Variants in KCNH5 observed in about 807,000 individuals in gnomAD.
KCNH5 encodes potassium voltage-gated channel subfamily H member 5, also known as voltage-gated delayed rectifier potassium channel KCNH5.
A neutral mutation model predicts 96.1 loss-of-function variants in KCNH5; 46 were observed. The observed-to-expected ratio is 0.48, with a 90% CI of 0.38 to 0.61. KCNH5 has a LOEUF of 0.61. Ranked by LOEUF, KCNH5 falls within the 20% of genes least tolerant of loss-of-function variation. The probability of loss-of-function intolerance (pLI) is 0.00; values close to 1 mark genes in which losing one functional copy is unlikely to be tolerated. For missense variants in KCNH5, 907 were observed against 1,225.8 expected (o/e 0.74, Z 3.88); for synonymous variants, 439 against 449.8 (o/e 0.98, Z 0.30).
chr14:62,715,513 C>G (rs1417022221), intron 10 of KCNH5, among the ~76,000 whole-genome samples: 1 of 152,178 alleles, frequency 6.6e-6, no homozygotes, highest in Non-Finnish European at 1.5e-5. Context: ...TTATTCAATG[C>G]TACCATGTAT....
At chr14:62,996,387 T>C (rs946054300) in intron 4 of KCNH5, among the ~76,000 whole-genome samples, 9 of 152,304 alleles carry the variant, frequency 5.9e-5, no homozygotes, top group African/African-American at 2.2e-4. Flanking sequence ...AATAAGCTCA[T>C]CTACAGATTC....
chr14:62,820,707 A>T (rs377008067), intron 8 of KCNH5, among the ~76,000 whole-genome samples: 44 of 152,268 alleles, frequency 2.9e-4, no homozygotes, highest in African/African-American at 8.4e-4. Flanking sequence ...TTCATGGTGC[A>T]TATGTACCAC....
intron 6 of KCNH5, among the ~76,000 whole-genome samples, chr14:62,978,529 G>A (rs1003547994): frequency 1.5e-4 from 22 of 151,388 alleles, no homozygotes; most frequent in Admixed American, 5.3e-4. Flanking sequence ...GGAGCTTGCA[G>A]TGAGCCGAGA....
At chr14:63,011,401 C>T (rs1891225017) in intron 2 of KCNH5, among the ~76,000 whole-genome samples, 1 of 151,680 alleles carries the variant, frequency 6.6e-6, no homozygotes. Context: ...TCACTTGAAC[C>T]CAGGAGGCAG....
chr14:62,977,546 C>A (rs890328955), intron 6 of KCNH5, among the ~76,000 whole-genome samples: 1 of 151,904 alleles, frequency 6.6e-6, no homozygotes, highest in African/African-American at 2.4e-5. Flanking sequence ...AATTGACAAA[C>A]CAAGAGGTAG....
intron 4 of KCNH5, among the ~76,000 whole-genome samples, chr14:62,996,413 A>T (rs1890906457): frequency 6.6e-6 from 1 of 152,124 alleles, no homozygotes; most frequent in Admixed American, 6.6e-5. Context: ...CTGGAAAGAG[A>T]CCTTTTTCTC....
intron 7 of KCNH5, among the ~76,000 whole-genome samples, chr14:62,912,664 C>T (rs1889193090): frequency 6.6e-6 from 1 of 152,150 alleles, no homozygotes; most frequent in Admixed American, 6.5e-5. Flanking sequence ...CCTCGGCCTC[C>T]CAAAGTGCTG....
intron 10 of KCNH5, among the ~76,000 whole-genome samples, chr14:62,708,747 C>A (rs1168089531): frequency 6.6e-6 from 1 of 152,194 alleles, no homozygotes. Flanking sequence ...TAGAGAGGTA[C>A]TTTGCTTCTA....
chr14:62,806,306 T>A (rs966557503), intron 8 of KCNH5, among the ~76,000 whole-genome samples: 2 of 152,184 alleles, frequency 1.3e-5, no homozygotes, highest in African/African-American at 2.4e-5. Flanking sequence ...ATTCCTTTAC[T>A]TTCTTAATAA....
intron 10 of KCNH5, among the ~76,000 whole-genome samples, chr14:62,741,922 A>G (rs1453401507): frequency 6.6e-6 from 1 of 152,166 alleles, no homozygotes; most frequent in Non-Finnish European, 1.5e-5. Flanking sequence ...AATATAAGAA[A>G]AGATTACTGG....
At chr14:62,896,725 C>A (rs560066554) in intron 7 of KCNH5, among the ~76,000 whole-genome samples, 1 of 152,266 alleles carries the variant, frequency 6.6e-6, no homozygotes, top group East Asian at 1.9e-4. Context: ...CAAAGACCTT[C>A]GTGAGGTCAC....
At chr14:63,021,522 T>C (rs950988219) in intron 1 of KCNH5, among the ~76,000 whole-genome samples, 10 of 152,176 alleles carry the variant, frequency 6.6e-5, no homozygotes, top group Non-Finnish European at 1.5e-4. Context: ...ACATTTTCTA[T>C]GCCACATTCA....
chr14:62,788,532 A>C (rs1234224841), intron 9 of KCNH5, among the ~76,000 whole-genome samples: 1 of 152,182 alleles, frequency 6.6e-6, no homozygotes, highest in Non-Finnish European at 1.5e-5. Context: ...CCAATTTTGA[A>C]AGAAGTTCTA....
At chr14:62,738,484 G>A (rs1244734311) in intron 10 of KCNH5, among the ~76,000 whole-genome samples, 3 of 152,098 alleles carry the variant, frequency 2.0e-5, no homozygotes, top group Admixed American at 6.6e-5. Context: ...ATTACTGGCT[G>A]AAAGTGTATC....
intron 8 of KCNH5, among the ~76,000 whole-genome samples, chr14:62,820,989 T>C (rs1332283420): frequency 6.6e-6 from 1 of 152,052 alleles, no homozygotes; most frequent in Non-Finnish European, 1.5e-5. Context: ...TTGAACTAAT[T>C]TACACTCCCA....
At chr14:62,758,596 A>G (rs1400879496) in intron 10 of KCNH5, among the ~76,000 whole-genome samples, 1 of 152,222 alleles carries the variant, frequency 6.6e-6, no homozygotes, top group African/African-American at 2.4e-5. Context: ...AGAACTCTGT[A>G]ATATCATTAT....
intron 9 of KCNH5, among the ~76,000 whole-genome samples, chr14:62,787,241 G>C (rs889499155): frequency 7.2e-5 from 11 of 152,164 alleles, no homozygotes; most frequent in Non-Finnish European, 1.6e-4. Context: ...ACCTACTGCT[G>C]ATAAGGAGAA....
intron 10 of KCNH5, among the ~76,000 whole-genome samples, chr14:62,753,397 A>C (rs980496188): frequency 6.6e-6 from 1 of 152,174 alleles, no homozygotes; most frequent in African/African-American, 2.4e-5. Context: ...TCTTAAAGAG[A>C]AGGTAGAGAG....
chr14:62,833,953 C>T (rs952845621), intron 8 of KCNH5, among the ~76,000 whole-genome samples: 2 of 152,056 alleles, frequency 1.3e-5, no homozygotes, highest in African/African-American at 4.8e-5. Context: ...TACCTCACTC[C>T]AGTGTTGCAT....
Sources: allele counts gnomAD v4.1 joint callset (sites outside exome capture counted in the v4.1 genomes callset), GRCh38; gene constraint gnomAD v4.1.1; transcripts MANE v1.5; gene names NCBI Gene and HGNC (gene_info 2026-07-23, HGNC 2026-07-21).